SEMA3E: variants seen among roughly 807,000 people sequenced by gnomAD.
The protein encoded by SEMA3E is semaphorin-3E.
Under a neutral mutation model 93.6 loss-of-function variants are expected in SEMA3E, and 49 were observed. The ratio of observed to expected loss-of-function variants is 0.52; its 90% CI spans 0.42 to 0.66. The LOEUF (loss-of-function observed/expected upper bound fraction) is 0.66, where lower values mean the gene tolerates loss of function less well. SEMA3E is among the 30% of genes least tolerant of loss of function. The pLI, the probability that SEMA3E is intolerant of heterozygous loss-of-function variation, is 0.00. For synonymous variants in SEMA3E, 363 were observed against 330.7 expected (o/e 1.10, Z -1.06); for missense variants, 906 against 964.8 (o/e 0.94, Z 0.81).
chr7:83,471,033 A>G (rs1789882789), intron 2 of SEMA3E, among the ~76,000 whole-genome samples: 1 of 151,796 alleles, frequency 6.6e-6, no homozygotes, highest in Non-Finnish European at 1.5e-5. Context: ...GTGTTTCAAT[A>G]CATCATTAGT....
chr7:83,423,526 CAG>C (rs1360841951), intron 4 of SEMA3E, among the ~76,000 whole-genome samples: 2 of 136,504 alleles, frequency 1.5e-5, no homozygotes, highest in Non-Finnish European at 1.5e-5. Flanking sequence ...TTTTTTGAGA[CAG>C]AGTCTCGCTC....
At chr7:83,437,662 A>T (rs554358586) in intron 4 of SEMA3E, among the ~76,000 whole-genome samples, 3 of 152,308 alleles carry the variant, frequency 2.0e-5, no homozygotes, top group Admixed American at 2.0e-4. Flanking sequence ...ATGAAATGGA[A>T]ATTAAAACAA....
At chr7:83,513,739 G>T (rs1243337918) in intron 1 of SEMA3E, among the ~76,000 whole-genome samples, 1 of 152,108 alleles carries the variant, frequency 6.6e-6, no homozygotes, top group Non-Finnish European at 1.5e-5. Context: ...AACATGTCTA[G>T]AATTTACAAA....
Position 83,365,905 on chromosome 7 carries a change from C to T in SEMA3E, c.*1681G>A, listed in dbSNP as rs1221458911. The T allele has an allele frequency of 6.6e-6, 1 of 152,076 alleles. No individual in the cohort carries two copies. The highest frequency in any genetic ancestry group is 1.9e-4 in the East Asian group (1 of 5,200). 9.4% of individuals were successfully genotyped at this position (152,076 alleles called of 1,614,324 possible). A position where few individuals can be genotyped will look rare whatever the true frequency, so the allele number is the denominator to read the frequency against. ...ATATAGTTTTTAAAAATACATTTCACTACATAGTCTTTTCAGTTATTATTT... is the reference window on the plus strand; with the variant it reads ...ATATAGTTTTTAAAAATACATTTCATTACATAGTCTTTTCAGTTATTATTT... On this transcript the variant is annotated 3_prime_UTR_variant, in exon 17 of 17. Transcript: ENST00000643230.
intron 8 of SEMA3E, 134 bp from the exon 9 acceptor site, chr7:83,405,653 C>T (rs954457578): frequency 1.4e-5 from 11 of 810,110 alleles, no homozygotes; most frequent in Admixed American, 4.0e-5. Context: ...AATCATACAA[C>T]CATGACCAAG....
At chr7:83,370,712 G>A (rs1254888012) in intron 16 of SEMA3E, among the ~76,000 whole-genome samples, 1 of 152,090 alleles carries the variant, frequency 6.6e-6, no homozygotes, top group Non-Finnish European at 1.5e-5. Flanking sequence ...CCCTGTAAAA[G>A]TGTCCTCCCT....
At chr7:83,487,318 AG>A (rs1227404372) in intron 2 of SEMA3E, among the ~76,000 whole-genome samples, 1 of 152,162 alleles carries the variant, frequency 6.6e-6, no homozygotes, top group Non-Finnish European at 1.5e-5. Context: ...CGTGGATTCC[AG>A]GGAACCACTC....
rs1352036430 is a variant in SEMA3E at position 83,512,913 on chromosome 7, A to T, written c.116-22639T>A. On this transcript the variant is annotated intron_variant, in intron 1 of 16. Coordinates refer to ENST00000643230, the MANE Select transcript of SEMA3E (RefSeq NM_012431.3). ...ACCATTAATGGAAAGCATTTTACTC[A>T]GGTTTTTACATAAAGGCTAAAGTAA... 5.9e-5 allele frequency among the ~76,000 whole-genome samples: 9 copies of T among 152,206 alleles called. No homozygotes were observed. The South Asian group carries it at 1.9e-3, about 31-fold the overall frequency.
intron 1 of SEMA3E, among the ~76,000 whole-genome samples, chr7:83,620,869 T>G (rs77643509): frequency 1.3e-5 from 2 of 151,990 alleles, no homozygotes; most frequent in African/African-American, 4.8e-5. Flanking sequence ...CCACATATGA[T>G]AAGCCCACAA....
At chr7:83,628,589 G>GT (rs1475577945) in intron 1 of SEMA3E, among the ~76,000 whole-genome samples, 1 of 151,060 alleles carries the variant, frequency 6.6e-6, no homozygotes, top group East Asian at 2.0e-4. Flanking sequence ...ATTGATACTT[G>GT]TGTATGTTTC....
intron 1 of SEMA3E, among the ~76,000 whole-genome samples, chr7:83,572,823 C>T (rs1466281007): frequency 1.3e-4 from 19 of 151,956 alleles, no homozygotes; most frequent in East Asian, 1.2e-3. Flanking sequence ...GGCTAGCACA[C>T]GCAGAATAAA....
At chr7:83,540,134 C>T (rs1405540923) in intron 1 of SEMA3E, among the ~76,000 whole-genome samples, 1 of 152,146 alleles carries the variant, frequency 6.6e-6, no homozygotes, top group Non-Finnish European at 1.5e-5. Context: ...CCACCCTCGT[C>T]GGCCTTGCAA....
intron 4 of SEMA3E, among the ~76,000 whole-genome samples, chr7:83,435,186 C>T (rs777368054): frequency 2.0e-5 from 3 of 152,174 alleles, no homozygotes; most frequent in Non-Finnish European, 4.4e-5. Flanking sequence ...ATCTGTGTGA[C>T]TCAGTTAATA....
intron 4 of SEMA3E, among the ~76,000 whole-genome samples, chr7:83,424,718 A>T (rs1292939296): frequency 6.6e-6 from 1 of 152,190 alleles, no homozygotes; most frequent in Non-Finnish European, 1.5e-5. Context: ...GACCTTGAGG[A>T]GGGGAAACTA....
At chr7:83,373,928 C>T (rs945504314) in intron 16 of SEMA3E, among the ~76,000 whole-genome samples, 8 of 151,998 alleles carry the variant, frequency 5.3e-5, no homozygotes, top group African/African-American at 1.2e-4. Flanking sequence ...AAATTTAGGC[C>T]GGGCGCGGTG....
intron 16 of SEMA3E, among the ~76,000 whole-genome samples, chr7:83,381,348 C>T (rs1787773617): frequency 6.6e-6 from 1 of 151,930 alleles, no homozygotes; most frequent in Non-Finnish European, 1.5e-5. Context: ...CACATATGCT[C>T]CTATCTCAAG....
At chr7:83,612,285 T>A (rs1793281948) in intron 1 of SEMA3E, among the ~76,000 whole-genome samples, 1 of 152,176 alleles carries the variant, frequency 6.6e-6, no homozygotes, top group Admixed American at 6.6e-5. Context: ...GAAATTTGTC[T>A]GTTTTATTCT....
At chr7:83,607,729 A>G (rs1400385276) in intron 1 of SEMA3E, among the ~76,000 whole-genome samples, 4 of 152,168 alleles carry the variant, frequency 2.6e-5, no homozygotes, top group African/African-American at 9.7e-5. Context: ...GAAGGAAGGA[A>G]GACAAAAGAA....
intron 4 of SEMA3E, among the ~76,000 whole-genome samples, chr7:83,431,937 A>G (rs1248500295): frequency 6.8e-6 from 1 of 147,184 alleles, no homozygotes; most frequent in Non-Finnish European, 1.5e-5. Flanking sequence ...TCACTCCCCA[A>G]TTAATTGGTG....
Sources: gnomAD v4.1 joint callset for allele counts (sites outside exome capture counted in the v4.1 genomes callset) on GRCh38, gnomAD v4.1.1 for gene constraint, MANE v1.5 for transcripts, NCBI Gene and HGNC (gene_info 2026-07-23, HGNC 2026-07-21) for gene names.